NEGR1: variants seen among roughly 807,000 people sequenced by gnomAD.
The protein encoded by NEGR1 is IgLON family member 4.
In NEGR1, 10 loss-of-function variants were observed where a neutral mutation model predicts 40.9. The ratio of observed to expected loss-of-function variants is 0.24; its 90% CI spans 0.15 to 0.42. The LOEUF (loss-of-function observed/expected upper bound fraction) is 0.42. NEGR1 is among the 10% of genes least tolerant of loss of function. The probability of loss-of-function intolerance (pLI) is 1.00; values close to 1 mark genes in which losing one functional copy is unlikely to be tolerated. For synonymous variants in NEGR1, 185 were observed against 166.8 expected, an observed-to-expected ratio of 1.11 and a Z score of -0.84; for missense variants, 352 against 438.9, an observed-to-expected ratio of 0.80 and a Z score of 1.77.
intron 1 of NEGR1, among the ~76,000 whole-genome samples, chr1:72,250,678 T>C (rs140427597): frequency 1.1e-4 from 17 of 152,292 alleles, no homozygotes; most frequent in African/African-American, 3.6e-4. Flanking sequence ...AAAATGATAG[T>C]TAACCGTGAA....
intron 1 of NEGR1, among the ~76,000 whole-genome samples, chr1:72,186,885 G>C (rs1249659858): frequency 6.6e-6 from 1 of 151,582 alleles, no homozygotes; most frequent in Non-Finnish European, 1.5e-5. Context: ...TCCATGGTAT[G>C]CTTTGTGGGA....
At chr1:71,595,897 A>G (rs1305795411) in intron 5 of NEGR1, among the ~76,000 whole-genome samples, 1 of 152,164 alleles carries the variant, frequency 6.6e-6, no homozygotes, top group Non-Finnish European at 1.5e-5. Context: ...CTAATTGATG[A>G]CATGTTTTTC....
intron 6 of NEGR1, among the ~76,000 whole-genome samples, chr1:71,438,106 A>G (rs1382474063): frequency 6.6e-6 from 1 of 152,224 alleles, no homozygotes; most frequent in Non-Finnish European, 1.5e-5. Flanking sequence ...GAGAGTTTCA[A>G]CAGTAACAGA....
chr1:71,983,246 T>A (rs1646368626), intron 1 of NEGR1, among the ~76,000 whole-genome samples: 1 of 152,238 alleles, frequency 6.6e-6, no homozygotes, highest in African/African-American at 2.4e-5. Context: ...TTGAAACTAT[T>A]TACTATTATG....
intron 3 of NEGR1, among the ~76,000 whole-genome samples, chr1:71,770,717 CT>C (rs988555306): frequency 1.3e-5 from 2 of 152,096 alleles, no homozygotes; most frequent in African/African-American, 4.8e-5. Context: ...ACATTAAAGA[CT>C]TTTTAAAAAT....
chr1:71,645,568 C>T (rs938575794), intron 4 of NEGR1, among the ~76,000 whole-genome samples: 3 of 151,660 alleles, frequency 2.0e-5, no homozygotes, highest in South Asian at 2.1e-4. Context: ...AATGCAGTAA[C>T]GAATAAGTGA....
At chr1:72,256,436 T>C (rs1655273861) in intron 1 of NEGR1, among the ~76,000 whole-genome samples, 1 of 152,228 alleles carries the variant, frequency 6.6e-6, no homozygotes, top group East Asian at 1.9e-4. Flanking sequence ...GAAAACAAGA[T>C]TGTGCTTTTT....
intron 1 of NEGR1, among the ~76,000 whole-genome samples, chr1:72,016,020 T>C (rs1646706767): frequency 6.6e-6 from 1 of 152,158 alleles, no homozygotes; most frequent in Non-Finnish European, 1.5e-5. Flanking sequence ...TTAAGTTAAT[T>C]TTTTCAATAT....
chr1:71,930,972 C>T (rs1645849838), intron 2 of NEGR1, among the ~76,000 whole-genome samples: 1 of 152,132 alleles, frequency 6.6e-6, no homozygotes, highest in African/African-American at 2.4e-5. Flanking sequence ...CTAGGCAGGG[C>T]TTGACTTCAG....
At chr1:71,948,496 TGAGAGA>T (rs200382559) in intron 1 of NEGR1, among the ~76,000 whole-genome samples, 4 of 148,498 alleles carry the variant, frequency 2.7e-5, no homozygotes, top group East Asian at 3.9e-4. Flanking sequence ...TGTGTGTGTG[TGAGAGA>T]GAGAGAGAGA....
intron 2 of NEGR1, among the ~76,000 whole-genome samples, chr1:71,868,497 T>C (rs901511618): frequency 1.3e-5 from 2 of 151,838 alleles, no homozygotes. Flanking sequence ...CATACATACA[T>C]ACATACATAC....
rs184338981 is a variant in NEGR1 at position 71,614,755 on chromosome 1, A to G, written c.668-3609T>C. On this transcript the variant is annotated intron_variant, in intron 4 of 6. Transcript: ENST00000357731. ...ATGAAATCCGGAACATTGCCTGAAAACCGGAACATTGCCTGAAAACCCAGG... is the reference window on the plus strand; with the variant it reads ...ATGAAATCCGGAACATTGCCTGAAAGCCGGAACATTGCCTGAAAACCCAGG... 2.9e-3 allele frequency among the ~76,000 whole-genome samples: 437 copies of G among 152,216 alleles called. 3 individuals carry two copies. Among genetic ancestry groups the G allele is most frequent in the Admixed American group, 0.018 (282 of 15,280 alleles).
chr1:72,122,747 T>TTTAATACTA (rs1649851493), intron 1 of NEGR1, among the ~76,000 whole-genome samples: 1 of 152,000 alleles, frequency 6.6e-6, no homozygotes, highest in South Asian at 2.1e-4. Flanking sequence ...TACTAACATT[T>TTTAATACTA]TTAATACTAT....
At chr1:72,164,543 C>T (rs1651701296) in intron 1 of NEGR1, among the ~76,000 whole-genome samples, 1 of 151,944 alleles carries the variant, frequency 6.6e-6, no homozygotes, top group South Asian at 2.1e-4. Context: ...TGTCATTTTA[C>T]TAATACAAGT....
intron 4 of NEGR1, among the ~76,000 whole-genome samples, chr1:71,686,923 A>G (rs976600684): frequency 1.3e-5 from 2 of 152,178 alleles, no homozygotes; most frequent in Non-Finnish European, 2.9e-5. Flanking sequence ...CAAAGATGAA[A>G]CAGCATTAAC....
chr1:72,248,066 G>A (rs905678775), intron 1 of NEGR1, among the ~76,000 whole-genome samples: 2 of 152,096 alleles, frequency 1.3e-5, no homozygotes, highest in African/African-American at 4.8e-5. Flanking sequence ...GTTGCTCACT[G>A]CTGTGAAGAC....
intron 4 of NEGR1, among the ~76,000 whole-genome samples, chr1:71,639,980 G>T (rs915657214): frequency 6.6e-6 from 1 of 152,114 alleles, no homozygotes; most frequent in Middle Eastern, 3.4e-3. Flanking sequence ...AAGCAGAACT[G>T]CTCTGCTTCT....
chr1:71,522,137 T>A (rs1647161799), intron 6 of NEGR1, among the ~76,000 whole-genome samples: 1 of 151,946 alleles, frequency 6.6e-6, no homozygotes, highest in African/African-American at 2.4e-5. Context: ...AAATAGAATT[T>A]CTAGTGTATG....
At chr1:71,922,604 T>C (rs1171049550) in intron 2 of NEGR1, among the ~76,000 whole-genome samples, 1 of 152,188 alleles carries the variant, frequency 6.6e-6, no homozygotes, top group African/African-American at 2.4e-5. Flanking sequence ...AACTTTGTTG[T>C]CTAAATTCTT....
Sources: gnomAD v4.1 joint callset for allele counts (sites outside exome capture counted in the v4.1 genomes callset) on GRCh38, gnomAD v4.1.1 for gene constraint, MANE v1.5 for transcripts, NCBI Gene and HGNC (gene_info 2026-07-23, HGNC 2026-07-21) for gene names.